Variants in CCNJL observed in about 807,000 individuals in gnomAD.
CCNJL encodes cyclin J like.
A neutral mutation model predicts 33.4 loss-of-function variants in CCNJL; 33 were observed. The ratio of observed to expected loss-of-function variants is 0.99; its 90% confidence interval spans 0.75 to 1.32. The LOEUF is 1.32. CCNJL is among the 40% of genes most tolerant of loss of function. CCNJL has a pLI of 0.00. For missense variants in CCNJL, 512 were observed against 499.7 expected, an observed-to-expected ratio of 1.02 and a Z score of -0.23; for synonymous variants, 227 against 220.9, an observed-to-expected ratio of 1.03 and a Z score of -0.24.
chr5:160,307,780 T>A (rs1267360687), intron 2 of CCNJL, among the ~76,000 whole-genome samples: 1 of 152,134 alleles, frequency 6.6e-6, no homozygotes, highest in African/African-American at 2.4e-5. Context: ...TAGGTGGGCT[T>A]CTGCAGATGC....
At position 160,251,649 on chromosome 5, in the gene CCNJL, A is replaced by C. The variant is rs1162026561; in HGVS notation, c.*1729T>G. ...CCCAAGAGGGGATGCCTAGGACAAG[A>C]GGTGAGAGATCAAGAGCAGGTGACG... On this transcript the variant is annotated 3_prime_UTR_variant, in exon 6 of 6. Coordinates refer to ENST00000257536, the MANE Select transcript of CCNJL (RefSeq NM_001308173.3). The C allele has an allele frequency of 6.6e-6, 1 of 152,156 alleles. No individual in the cohort carries two copies. Among genetic ancestry groups the C allele is most frequent in the Non-Finnish European group, 1.5e-5 (1 of 68,098 alleles). 9.4% of individuals were successfully genotyped at this position (152,156 alleles called of 1,614,324 possible). A position where few individuals can be genotyped will look rare whatever the true frequency, so the allele number is the denominator to read the frequency against.
At chr5:160,318,235 T>G (rs1763401553) in intron 1 of CCNJL, among the ~76,000 whole-genome samples, 1 of 152,146 alleles carries the variant, frequency 6.6e-6, no homozygotes, top group Admixed American at 6.5e-5. Context: ...CAGGCTGGTG[T>G]TGAACTCCTG....
intron 1 of CCNJL, among the ~76,000 whole-genome samples, chr5:160,327,353 C>T (rs1348395833): frequency 6.6e-6 from 1 of 152,230 alleles, no homozygotes; most frequent in Non-Finnish European, 1.5e-5. Context: ...AAAACAGCCA[C>T]ATTTCCACTT....
At chr5:160,309,608 C>T (rs1215302078) in intron 2 of CCNJL, among the ~76,000 whole-genome samples, 3 of 152,238 alleles carry the variant, frequency 2.0e-5, no homozygotes, top group African/African-American at 7.2e-5. Flanking sequence ...CCTCATTCCT[C>T]AAGAAAGGCG....
At chr5:160,333,538 C>G (rs535508668) in intron 1 of CCNJL, among the ~76,000 whole-genome samples, 35 of 151,722 alleles carry the variant, frequency 2.3e-4, no homozygotes, top group Non-Finnish European at 3.8e-4. Flanking sequence ...CTGCAGTCAC[C>G]CATGATCACA....
chr5:160,276,028 A>C (rs1761995755), intron 3 of CCNJL, among the ~76,000 whole-genome samples: 1 of 152,242 alleles, frequency 6.6e-6, no homozygotes, highest in Non-Finnish European at 1.5e-5. Context: ...AGGTGAAAAC[A>C]ACCTAAACAT....
chr5:160,293,439 T>C (rs1055744030), intron 2 of CCNJL, among the ~76,000 whole-genome samples: 1 of 152,182 alleles, frequency 6.6e-6, no homozygotes, highest in Non-Finnish European at 1.5e-5. Flanking sequence ...AATAATGTTT[T>C]ATTTAACTGA....
chr5:160,258,841 C>A (rs988599714), intron 4 of CCNJL, among the ~76,000 whole-genome samples: 1 of 152,226 alleles, frequency 6.6e-6, no homozygotes, highest in Non-Finnish European at 1.5e-5. Context: ...GGACTACAGG[C>A]ATGCACCACC....
intron 1 of CCNJL, among the ~76,000 whole-genome samples, chr5:160,319,927 AAAT>A (rs1405180763): frequency 2.6e-5 from 4 of 151,760 alleles, no homozygotes; most frequent in African/African-American, 9.7e-5. Context: ...CTCAATAAAT[AAAT>A]AATAAATAAA....
intron 2 of CCNJL, among the ~76,000 whole-genome samples, chr5:160,288,124 A>AT (rs1055389391): frequency 1.3e-5 from 2 of 152,116 alleles, no homozygotes; most frequent in Non-Finnish European, 2.9e-5. Flanking sequence ...TATTATTATT[A>AT]TTTTTTAACA....
intron 2 of CCNJL, among the ~76,000 whole-genome samples, chr5:160,310,127 A>G (rs1739429431): frequency 6.6e-6 from 1 of 152,192 alleles, no homozygotes; most frequent in Non-Finnish European, 1.5e-5. Flanking sequence ...CTAAGCTATG[A>G]GCAGAAATGA....
chr5:160,282,986 T>TATATATATAC (rs1762278326), intron 2 of CCNJL, among the ~76,000 whole-genome samples: 1 of 57,904 alleles, frequency 1.7e-5, no homozygotes, highest in Non-Finnish European at 3.2e-5. Context: ...TATATATATA[T>TATATATATAC]ATATATATAT....
At chr5:160,296,726 G>A (rs1419145038) in intron 2 of CCNJL, among the ~76,000 whole-genome samples, 1 of 152,132 alleles carries the variant, frequency 6.6e-6, no homozygotes, top group Non-Finnish European at 1.5e-5. Flanking sequence ...CTTGCAGGCC[G>A]CTAATGCTTG....
intron 2 of CCNJL, among the ~76,000 whole-genome samples, chr5:160,281,169 C>G (rs1352149789): frequency 1.3e-5 from 2 of 152,138 alleles, no homozygotes; most frequent in South Asian, 4.1e-4. Flanking sequence ...CCTTTGTTTC[C>G]TCCTCGAGAG....
intron 3 of CCNJL, among the ~76,000 whole-genome samples, chr5:160,276,903 C>A (rs1018872433): frequency 6.6e-6 from 1 of 152,118 alleles, no homozygotes; most frequent in Non-Finnish European, 1.5e-5. Context: ...CCAGCCTCAG[C>A]CTCCCATGTA....
intron 2 of CCNJL, among the ~76,000 whole-genome samples, chr5:160,282,347 CTA>C (rs1762242412): frequency 6.6e-6 from 1 of 152,114 alleles, no homozygotes; most frequent in Non-Finnish European, 1.5e-5. Context: ...AGACTTACAA[CTA>C]TAAAACTCTT....
At chr5:160,325,147 C>A (rs917500781) in intron 1 of CCNJL, among the ~76,000 whole-genome samples, 2 of 152,194 alleles carry the variant, frequency 1.3e-5, no homozygotes, top group African/African-American at 4.8e-5. Flanking sequence ...GATTTTAGTT[C>A]TTGAGCTAGA....
At chr5:160,266,915 T>C (rs1761619744) in intron 3 of CCNJL, among the ~76,000 whole-genome samples, 1 of 152,166 alleles carries the variant, frequency 6.6e-6, no homozygotes, top group Non-Finnish European at 1.5e-5. Context: ...TCTGGCCTCC[T>C]GCTGGTGATT....
intron 2 of CCNJL, among the ~76,000 whole-genome samples, chr5:160,299,505 GAAC>G (rs1279282844): frequency 6.6e-6 from 1 of 151,730 alleles, no homozygotes; most frequent in African/African-American, 2.4e-5. Context: ...ATTATGATGT[GAAC>G]AACTATAAAA....
Sources: allele counts gnomAD v4.1 joint callset (sites outside exome capture counted in the v4.1 genomes callset), GRCh38; gene constraint gnomAD v4.1.1; transcripts MANE v1.5; gene names NCBI Gene and HGNC (gene_info 2026-07-23, HGNC 2026-07-21).